NPNT: variants seen among roughly 807,000 people sequenced by gnomAD.
NPNT encodes the protein nephronectin.
A neutral mutation model predicts 68.6 loss-of-function variants in NPNT; 45 were observed. The observed-to-expected ratio is 0.66, with a 90% CI of 0.52 to 0.84. The LOEUF is 0.84. NPNT is among the 40% of genes least tolerant of loss of function. The pLI is 0.00. For synonymous variants in NPNT, 233 were observed against 253.3 expected, an observed-to-expected ratio of 0.92 and a Z score of 0.76; for missense variants, 672 against 714.8, an observed-to-expected ratio of 0.94 and a Z score of 0.68.
At chr4:105,901,027 C>A (rs1403222962) in intron 2 of NPNT, among the ~76,000 whole-genome samples, 1 of 152,070 alleles carries the variant, frequency 6.6e-6, no homozygotes, top group Non-Finnish European at 1.5e-5. Context: ...ATATTTGCAG[C>A]ACACAGCATC....
chr4:105,936,875 T>A (rs1266091856), intron 3 of NPNT, 134 bp from the exon 4 acceptor site: 5 of 844,950 alleles, frequency 5.9e-6, no homozygotes, highest in Non-Finnish European at 8.9e-6. Context: ...AGGATCTATC[T>A]CTTATGTAAA....
At chr4:105,935,821 T>C (rs1351464576) in intron 3 of NPNT, among the ~76,000 whole-genome samples, 1 of 152,216 alleles carries the variant, frequency 6.6e-6, no homozygotes, top group East Asian at 1.9e-4. Context: ...TAAAACATAA[T>C]GGAACTTGGT....
chr4:105,895,947 C>T (rs191795560), intron 1 of NPNT: 8,157 of 546,388 alleles, frequency 0.015, 88 homozygotes, highest in Non-Finnish European at 0.02. Flanking sequence ...CCATCCGCGG[C>T]CCCCCGAGGG....
At chr4:105,907,931 A>G (rs1005401766) in intron 2 of NPNT, among the ~76,000 whole-genome samples, 1 of 152,174 alleles carries the variant, frequency 6.6e-6, no homozygotes, top group African/African-American at 2.4e-5. Context: ...CAGGCCAGAC[A>G]TGATAAAGCA....
In NPNT at chr4:105,969,354, G is replaced by T. The variant is rs1277869293; in HGVS notation, c.*364G>T. On this transcript the variant is annotated 3_prime_UTR_variant, in exon 12 of 12. Coordinates refer to ENST00000379987, the MANE Select transcript of NPNT (RefSeq NM_001033047.3). The stretch of plus-strand genomic sequence containing the variant: ...TGAGTTACGGGAGCAGTTTTTAAAA[G>T]AAATCTTTGCAGATGGCTATGATGT... 1 of 179,864 alleles carries T rather than the reference G, an allele frequency of 5.6e-6. No individual in the cohort carries two copies. Among genetic ancestry groups the T allele is most frequent in the East Asian group, 1.4e-4 (1 of 7,082 alleles). The allele number at this position is 179,864 out of a possible 1,614,324, so 11.1% of individuals were successfully genotyped here.
At chr4:105,904,963 T>A (rs528764267) in intron 2 of NPNT, among the ~76,000 whole-genome samples, 20 of 152,232 alleles carry the variant, frequency 1.3e-4, no homozygotes, top group Non-Finnish European at 2.8e-4. Flanking sequence ...CTTGAACTCC[T>A]GACTTCAGGT....
At chr4:105,939,926 T>C (rs780476378) in intron 5 of NPNT, 149 bp from the exon 6 acceptor site, 1 of 628,160 alleles carries the variant, frequency 1.6e-6, no homozygotes, top group Non-Finnish European at 2.7e-6. Flanking sequence ...GTGGAATTTA[T>C]GTTGCCTGTA....
chr4:105,897,684 G>A (rs1725974204), intron 1 of NPNT, among the ~76,000 whole-genome samples: 1 of 152,178 alleles, frequency 6.6e-6, no homozygotes, highest in Non-Finnish European at 1.5e-5. Flanking sequence ...ACCCTTGTGT[G>A]TTGGGGGATG....
chr4:105,945,462 C>T (rs1730308561), intron 8 of NPNT, among the ~76,000 whole-genome samples: 1 of 152,178 alleles, frequency 6.6e-6, no homozygotes, highest in African/African-American at 2.4e-5. Flanking sequence ...TTCCCTTAAA[C>T]ATCCTCTACT....
chr4:105,967,476 G>A (rs751710351), intron 11 of NPNT, 32 bp downstream of exon 11: 143 of 1,509,068 alleles, frequency 9.5e-5, no homozygotes, highest in Non-Finnish European at 1.2e-4. Flanking sequence ...GCAGGACCTG[G>A]GACGTTTTCC....
chr4:105,967,122 G>A (rs1311229909), intron 10 of NPNT, 66 bp from the exon 11 acceptor site: 1 of 1,405,960 alleles, frequency 7.1e-7, no homozygotes, highest in Non-Finnish European at 9.8e-7. Flanking sequence ...TAAAACTCCT[G>A]TCCATGCTGC....
chr4:105,952,191 T>A (rs953945469), intron 8 of NPNT, among the ~76,000 whole-genome samples: 1 of 152,218 alleles, frequency 6.6e-6, no homozygotes, highest in East Asian at 1.9e-4. Flanking sequence ...TTTCTCATGC[T>A]TTTTATTATG....
chr4:105,900,804 A>G (rs1372822980), intron 2 of NPNT, among the ~76,000 whole-genome samples: 1 of 141,444 alleles, frequency 7.1e-6, no homozygotes, highest in African/African-American at 2.6e-5. Context: ...TTGTGTTTTC[A>G]TAGTTCTTTT....
intron 8 of NPNT, among the ~76,000 whole-genome samples, chr4:105,945,723 A>AT (rs1379214325): frequency 2.0e-5 from 3 of 152,198 alleles, no homozygotes; most frequent in African/African-American, 7.2e-5. Context: ...GGAATATAGC[A>AT]TTTTTTAGAT....
intron 1 of NPNT, 127 bp from the exon 2 acceptor site, chr4:105,897,774 C>A: frequency 5.7e-6 from 4 of 702,874 alleles, no homozygotes; most frequent in South Asian, 1.8e-5. Context: ...TAAATTTCTG[C>A]AGGCATAAAA....
intron 2 of NPNT, among the ~76,000 whole-genome samples, chr4:105,916,114 CT>C (rs1727797938): frequency 6.6e-6 from 1 of 152,092 alleles, no homozygotes; most frequent in Non-Finnish European, 1.5e-5. Context: ...AACATATTTT[CT>C]TTTTTTCCCT....
At chr4:105,896,409 C>A (rs560590760) in intron 1 of NPNT, among the ~76,000 whole-genome samples, 2 of 152,182 alleles carry the variant, frequency 1.3e-5, no homozygotes, top group South Asian at 4.1e-4. Context: ...AACCTCGGGC[C>A]GCGTCTCCGC....
At chr4:105,907,949 G>A (rs1162086848) in intron 2 of NPNT, among the ~76,000 whole-genome samples, 5 of 152,034 alleles carry the variant, frequency 3.3e-5, no homozygotes, top group Admixed American at 6.6e-5. Flanking sequence ...GCATTATGAT[G>A]TGTGGTAAAA....
chr4:105,964,518 T>G (rs1315405298), intron 10 of NPNT, among the ~76,000 whole-genome samples: 2 of 152,218 alleles, frequency 1.3e-5, no homozygotes, highest in African/African-American at 4.8e-5. Flanking sequence ...CTTCCTACAA[T>G]ATTTGAAAAC....
Sources: gnomAD v4.1 joint callset for allele counts (sites outside exome capture counted in the v4.1 genomes callset) on GRCh38, gnomAD v4.1.1 for gene constraint, MANE v1.5 for transcripts, NCBI Gene and HGNC (gene_info 2026-07-23, HGNC 2026-07-21) for gene names.